ZNF26: variants seen among roughly 807,000 people sequenced by gnomAD.
ZNF26 encodes the protein epididymis luminal protein 179.
A neutral mutation model predicts 54.9 loss-of-function variants in ZNF26; 32 were observed. The ratio of observed to expected loss-of-function variants is 0.58; its 90% CI spans 0.44 to 0.78. The LOEUF is 0.78. Ranked by LOEUF, ZNF26 falls within the 30% of genes least tolerant of loss-of-function variation. The pLI is 0.00. For synonymous variants in ZNF26, 221 were observed against 209.2 expected (o/e 1.06, Z -0.49); for missense variants, 524 against 634.0 (o/e 0.83, Z 1.86).
At chr12:132,996,340 G>A (rs1953082773) in intron 1 of ZNF26, among the ~76,000 whole-genome samples, 1 of 152,174 alleles carries the variant, frequency 6.6e-6, no homozygotes, top group Non-Finnish European at 1.5e-5. Flanking sequence ...TGAGCAAATG[G>A]CCCAGCGAGG....
rs1455440776 is a variant in ZNF26 at position 133,011,195 on chromosome 12, C to T, written c.1316C>T (p.Ser439Leu). Residue 439 changes from serine (S) to leucine (L), a missense_variant, in exon 4 of 4, where the codon TCA becomes TTA. Transcript: ENST00000328654. ...TGTGAGAGAGCCTTTTGTGGAAAAT[C>T]ACAGCTGATTATACATCAGAGAACT... Reference protein sequence around the residue: ...SLCERAFCGKSQLIIHQRTHS... With the variant: ...SLCERAFCGKLQLIIHQRTHS... 2 of 1,613,972 alleles carry T rather than the reference C, an allele frequency of 1.2e-6. No individual in the cohort carries two copies. Among genetic ancestry groups the T allele is most frequent in the Non-Finnish European group, 1.7e-6 (2 of 1,180,030 alleles).
In ZNF26 at chr12:133,020,072, G is replaced by A. The variant is rs1218966342; in HGVS notation, c.*8591G>A. 6.7e-6 allele frequency: 1 copy of A among 150,108 alleles called. No homozygotes were observed. The highest frequency in any genetic ancestry group is 1.5e-5 in the Non-Finnish European group (1 of 67,784). 9.3% of individuals were successfully genotyped at this position (150,108 alleles called of 1,614,324 possible). ...GATTGAACTGCTGCCCTCCAGCCTG[G>A]GCGACAGAGTAAAGCTCCATCTCAA... On this transcript the variant is annotated 3_prime_UTR_variant, in exon 4 of 4. Transcript: ENST00000328654.
intron 1 of ZNF26, among the ~76,000 whole-genome samples, chr12:133,000,962 C>T (rs1953206708): frequency 1.3e-5 from 2 of 152,174 alleles, no homozygotes; most frequent in Non-Finnish European, 2.9e-5. Flanking sequence ...CTGCTATCTG[C>T]TGTGCACCTT....
At position 133,017,469 on chromosome 12, in the gene ZNF26, C is replaced by CT. The variant is rs1953580697; in HGVS notation, c.*5992dup. ...CAAGATGCAGTCCTGGAATCACAGA[C>CT]TTTTATCTGGTAGTGATTCCTCAAT... On this transcript the variant is annotated 3_prime_UTR_variant, in exon 4 of 4. Coordinates refer to ENST00000328654, the MANE Select transcript of ZNF26 (RefSeq NM_019591.4). The CT allele has an allele frequency of 6.6e-6, 1 of 152,160 alleles. No homozygotes were observed. Among genetic ancestry groups the CT allele is most frequent in the Non-Finnish European group, 1.5e-5 (1 of 68,050 alleles). The allele number at this position is 152,160 out of a possible 1,614,324, so 9.4% of individuals were successfully genotyped here. A position where few individuals can be genotyped will look rare whatever the true frequency, so the allele number is the denominator to read the frequency against.
chr12:133,008,548 G>A (rs932645559), intron 3 of ZNF26, among the ~76,000 whole-genome samples: 11 of 152,144 alleles, frequency 7.2e-5, no homozygotes, highest in South Asian at 2.1e-4. Flanking sequence ...AGGCCGAGGC[G>A]GGTGGATCAC....
At position 133,022,356 on chromosome 12, in the gene ZNF26, G is replaced by T. The variant is rs2137284871; in HGVS notation, c.*10875G>T. 6.6e-6 allele frequency: 1 copy of T among 152,240 alleles called. No individual in the cohort carries two copies. Among genetic ancestry groups the T allele is most frequent in the African/African-American group, 2.4e-5 (1 of 41,556 alleles). The allele number at this position is 152,240 out of a possible 1,614,324, so 9.4% of individuals were successfully genotyped here. On this transcript the variant is annotated 3_prime_UTR_variant, in exon 4 of 4. Coordinates refer to ENST00000328654, the MANE Select transcript of ZNF26 (RefSeq NM_019591.4). ...ATTTAACAAATTGAATCAATTTTCA[G>T]TGGCATCAAAATACAAAATAGATAC...
chr12:133,017,874 T>TG lies in ZNF26; in HGVS notation c.*6395dup, dbSNP rs1953586928. 6.6e-6 allele frequency: 1 copy of TG among 152,168 alleles called. No homozygotes were observed. Among genetic ancestry groups the TG allele is most frequent in the Non-Finnish European group, 1.5e-5 (1 of 68,092 alleles). 9.4% of individuals were successfully genotyped at this position (152,168 alleles called of 1,614,324 possible). A position where few individuals can be genotyped will look rare whatever the true frequency, so the allele number is the denominator to read the frequency against. On this transcript the variant is annotated 3_prime_UTR_variant, in exon 4 of 4. Transcript: ENST00000328654. ...AACACAAAAAATTAGCGGGGCGTGG[T>TG]GGCGGGCGCCTGTAGTCCCAGCTAC...
chr12:133,009,405 C>T (rs965668583), intron 3 of ZNF26, among the ~76,000 whole-genome samples: 1 of 152,014 alleles, frequency 6.6e-6, no homozygotes, highest in Non-Finnish European at 1.5e-5. Context: ...CCAGCCTGGC[C>T]AACAAGTGAA....
Position 133,001,608 on chromosome 12 carries a change from TC to T in ZNF26, c.34-5430del. The T allele has an allele frequency of 7.9e-7, 1 of 1,266,520 alleles. No homozygotes were observed. Among genetic ancestry groups the T allele is most frequent in the Non-Finnish European group, 1.0e-6 (1 of 968,226 alleles). 78.5% of individuals were successfully genotyped at this position (1,266,520 alleles called of 1,614,324 possible). A position where few individuals can be genotyped will look rare whatever the true frequency, so the allele number is the denominator to read the frequency against. ...ACCCAGAAGTCCACTCACTGCCTCTTCCCCTGGGGTCTCCCTCCCTGCAGGT... is the reference window on the plus strand; with the variant it reads ...ACCCAGAAGTCCACTCACTGCCTCTTCCCTGGGGTCTCCCTCCCTGCAGGT... On this transcript the variant is annotated intron_variant, in intron 1 of 3. Transcript: ENST00000328654. The surrounding 1 kb of genome is among the most constrained non-coding windows in gnomAD (Gnocchi z 4.7).
chr12:132,988,475 C>T (rs1381569332), intron 1 of ZNF26, among the ~76,000 whole-genome samples: 1 of 151,926 alleles, frequency 6.6e-6, no homozygotes, highest in Non-Finnish European at 1.5e-5. Context: ...AACTCTTGGC[C>T]TCAAGCACTT....
rs897538412 is a variant in ZNF26, at chr12:133,015,420, T to C, written c.*3939T>C. Reference sequence around the variant, plus strand: ...TCTGTGTATATGACACAATCCTAACTGTGGCATGTATCTATGTCTTCACTT... The same window carrying C: ...TCTGTGTATATGACACAATCCTAACCGTGGCATGTATCTATGTCTTCACTT... On this transcript the variant is annotated 3_prime_UTR_variant, in exon 4 of 4. Transcript: ENST00000328654. The C allele has an allele frequency of 6.6e-6, 1 of 150,710 alleles. No homozygotes were observed. Among genetic ancestry groups the C allele is most frequent in the African/African-American group, 2.4e-5 (1 of 40,966 alleles). The allele number at this position is 150,710 out of a possible 1,614,324, so 9.3% of individuals were successfully genotyped here. A position where few individuals can be genotyped will look rare whatever the true frequency, so the allele number is the denominator to read the frequency against.
At chr12:133,005,968 C>A in intron 1 of ZNF26, 1 of 398,572 alleles carries the variant, frequency 2.5e-6, no homozygotes, top group Non-Finnish European at 3.4e-6. Flanking sequence ...ATTGACCAGG[C>A]TCTACCATGT....
At chr12:132,987,964 A>T (rs1952860538) in intron 1 of ZNF26, among the ~76,000 whole-genome samples, 1 of 152,210 alleles carries the variant, frequency 6.6e-6, no homozygotes, top group African/African-American at 2.4e-5. Context: ...TGTTTCACTA[A>T]TACCACACTG....
In ZNF26 at chr12:133,014,549, GTTTTT is replaced by G. The variant is rs34053094; in HGVS notation, c.*3079_*3083del. 5.2e-4 allele frequency: 74 copies of G among 141,298 alleles called. 1 individual carries two copies. The highest frequency in any genetic ancestry group is 9.9e-4 in the Non-Finnish European group (63 of 63,658). 8.8% of individuals were successfully genotyped at this position (141,298 alleles called of 1,614,324 possible). A position where few individuals can be genotyped will look rare whatever the true frequency, so the allele number is the denominator to read the frequency against. On this transcript the variant is annotated 3_prime_UTR_variant, in exon 4 of 4. Coordinates refer to ENST00000328654, the MANE Select transcript of ZNF26 (RefSeq NM_019591.4). ...TCTGTTTTTTTTTTTGTTTTGTTTTGTTTTTTTTTTTTTTTGAGACGGAGTCTTGT... is the reference window on the plus strand; with the variant it reads ...TCTGTTTTTTTTTTTGTTTTGTTTTGTTTTTTTTTTGAGACGGAGTCTTGT...
rs1332074094 is a variant in ZNF26 at position 132,986,585 on chromosome 12, C to G, written c.-256C>G. Reference sequence around the variant, plus strand: ...GGGCCAGATCAGCCTCCTGCTCTCCCGAGTCAGGGCCACGGAAAGGCACAA... The same window carrying G: ...GGGCCAGATCAGCCTCCTGCTCTCCGGAGTCAGGGCCACGGAAAGGCACAA... On this transcript the variant is annotated 5_prime_UTR_variant, in exon 1 of 4. Transcript: ENST00000328654. 8.7e-6 allele frequency: 5 copies of G among 575,298 alleles called. No individual in the cohort carries two copies. The highest frequency in any genetic ancestry group is 3.8e-5 in the African/African-American group (2 of 53,224). The allele number at this position is 575,298 out of a possible 1,614,324, so 35.6% of individuals were successfully genotyped here.
Position 133,017,277 on chromosome 12 carries a change from C to T in ZNF26, c.*5796C>T, listed in dbSNP as rs1426909076. 1.3e-5 allele frequency: 2 copies of T among 152,062 alleles called. No individual in the cohort carries two copies. Among genetic ancestry groups the T allele is most frequent in the Non-Finnish European group, 2.9e-5 (2 of 68,010 alleles). The allele number at this position is 152,062 out of a possible 1,614,324, so 9.4% of individuals were successfully genotyped here. On this transcript the variant is annotated 3_prime_UTR_variant, in exon 4 of 4. Transcript: ENST00000328654. ...CATTAGACAAGGAGACCCACTTTAC[C>T]ACAGATAAGGTTCAGTGGTGGTCCC...
rs2137270286 is a variant in ZNF26 at position 133,014,941 on chromosome 12, G to T, written c.*3460G>T. 6.6e-6 allele frequency: 1 copy of T among 152,210 alleles called. No homozygotes were observed. The highest frequency in any genetic ancestry group is 1.9e-4 in the East Asian group (1 of 5,196). 9.4% of individuals were successfully genotyped at this position (152,210 alleles called of 1,614,324 possible). On this transcript the variant is annotated 3_prime_UTR_variant, in exon 4 of 4. Coordinates refer to ENST00000328654, the MANE Select transcript of ZNF26 (RefSeq NM_019591.4). ...GGGAAGAACAAAAGTCAGGAACTTTGCCATAATCTAGAAGAAAGAATGATA... is the reference window on the plus strand; with the variant it reads ...GGGAAGAACAAAAGTCAGGAACTTTTCCATAATCTAGAAGAAAGAATGATA...
intron 1 of ZNF26, among the ~76,000 whole-genome samples, chr12:132,998,975 A>G (rs377112234): frequency 1.1e-3 from 171 of 152,360 alleles, no homozygotes; most frequent in African/African-American, 3.9e-3. Flanking sequence ...GCCCTAAGCT[A>G]TAAATAACTC....
At chr12:132,998,338 T>A (rs1366215939) in intron 1 of ZNF26, among the ~76,000 whole-genome samples, 1 of 152,080 alleles carries the variant, frequency 6.6e-6, no homozygotes, top group Non-Finnish European at 1.5e-5. Flanking sequence ...GGCTAATTTT[T>A]GTATTTTTAG....
Sources: allele counts gnomAD v4.1 joint callset (sites outside exome capture counted in the v4.1 genomes callset), GRCh38; gene constraint gnomAD v4.1.1; non-coding constraint Gnocchi (gnomAD v3.1); transcripts MANE v1.5; gene names NCBI Gene and HGNC (gene_info 2026-07-23, HGNC 2026-07-21).